TCF12: variants seen among roughly 807,000 people sequenced by gnomAD.
TCF12 encodes the protein DNA-binding protein HTF4.
TCF12 carries 45 observed loss-of-function variants against 86.0 expected under a neutral mutation model. The observed-to-expected ratio is 0.52, with a 90% CI of 0.41 to 0.67. TCF12 has a LOEUF of 0.67. Among genes scored for constraint, TCF12 ranks in the 30% least tolerant of loss-of-function variants. The pLI, the probability that TCF12 is intolerant of heterozygous loss-of-function variation, is 0.00. For synonymous variants in TCF12, 330 were observed against 299.6 expected (o/e 1.10, Z -1.05); for missense variants, 881 against 859.9 (o/e 1.02, Z -0.31).
intron 6 of TCF12, among the ~76,000 whole-genome samples, chr15:57,171,386 G>T (rs1427862787): frequency 6.6e-6 from 1 of 151,346 alleles, no homozygotes; most frequent in Non-Finnish European, 1.5e-5. Flanking sequence ...TCAGAGGAGG[G>T]ACAAAAAATA....
chr15:57,226,669 C>T (rs1317471286), intron 8 of TCF12, among the ~76,000 whole-genome samples: 3 of 152,080 alleles, frequency 2.0e-5, no homozygotes, highest in Non-Finnish European at 4.4e-5. Context: ...TGAAGGTGTT[C>T]TCAAAATGTT....
chr15:57,151,122 G>T (rs1185827085), intron 5 of TCF12, among the ~76,000 whole-genome samples: 2 of 150,918 alleles, frequency 1.3e-5, no homozygotes, highest in African/African-American at 2.4e-5. Context: ...GGACTGCAAG[G>T]ATGCACCATG....
intron 19 of TCF12, among the ~76,000 whole-genome samples, chr15:57,276,255 CTT>C (rs1425211446): frequency 6.6e-6 from 1 of 152,224 alleles, no homozygotes; most frequent in East Asian, 1.9e-4. Context: ...TCACCTGAAG[CTT>C]TTCTTTCCTC....
At chr15:57,000,604 A>G (rs966942742) in intron 3 of TCF12, among the ~76,000 whole-genome samples, 40 of 152,218 alleles carry the variant, frequency 2.6e-4, no homozygotes, top group African/African-American at 9.6e-4. Context: ...TAAATCCAGT[A>G]TAAGCAAAAG....
At chr15:57,170,141 A>G (rs929313628) in intron 6 of TCF12, among the ~76,000 whole-genome samples, 4 of 152,204 alleles carry the variant, frequency 2.6e-5, no homozygotes, top group African/African-American at 9.7e-5. Context: ...AGCAAGTGGT[A>G]AACTTAAACT....
At chr15:57,155,827 A>C (rs754040243) in intron 5 of TCF12, among the ~76,000 whole-genome samples, 1 of 152,142 alleles carries the variant, frequency 6.6e-6, no homozygotes, top group Non-Finnish European at 1.5e-5. Context: ...TCTTAGTAGA[A>C]CCTAAATGGG....
intron 8 of TCF12, among the ~76,000 whole-genome samples, chr15:57,230,554 G>A (rs1409904572): frequency 1.3e-5 from 2 of 152,042 alleles, no homozygotes; most frequent in African/African-American, 4.8e-5. Context: ...AATTAAATGA[G>A]ATTTTTCTTA....
intron 6 of TCF12, among the ~76,000 whole-genome samples, chr15:57,183,611 A>G (rs1399810592): frequency 6.6e-6 from 1 of 152,202 alleles, no homozygotes; most frequent in Non-Finnish European, 1.5e-5. Flanking sequence ...TATGCCCAGG[A>G]AACAGAATAA....
At chr15:57,037,274 C>A (rs542704717) in intron 3 of TCF12, among the ~76,000 whole-genome samples, 2 of 152,096 alleles carry the variant, frequency 1.3e-5, no homozygotes, top group Admixed American at 1.3e-4. Flanking sequence ...CATGGTGAAA[C>A]CCCATCTTTA....
In TCF12 at chr15:57,027,959, T is replaced by A. The variant is rs117432332; in HGVS notation, c.149-35791T>A. Among the ~76,000 whole-genome samples the A allele has an allele frequency of 3.7e-4, 57 of 152,196 alleles. 1 individual carries two copies. The East Asian group carries it at 0.011, about 29-fold the overall frequency. The stretch of plus-strand genomic sequence containing the variant: ...TGTGGAACTGTGAGTCCATTAAACC[T>A]ATGTTTCTTTTTTTTTTCTTTTGAG... On this transcript the variant is annotated intron_variant, in intron 3 of 20. Coordinates refer to ENST00000333725, the MANE Select transcript of TCF12 (RefSeq NM_207037.2).
chr15:57,071,936 TTG>T (rs531510367), intron 4 of TCF12, among the ~76,000 whole-genome samples: 15 of 152,342 alleles, frequency 9.8e-5, no homozygotes, highest in African/African-American at 3.6e-4. Flanking sequence ...TCAGCTTACT[TTG>T]TGGGAAAATA....
intron 18 of TCF12, among the ~76,000 whole-genome samples, chr15:57,263,678 TG>T (rs1164193730): frequency 6.6e-6 from 1 of 152,184 alleles, no homozygotes; most frequent in African/African-American, 2.4e-5. Flanking sequence ...TTCTAAGAAA[TG>T]CATTGCTAGG....
chr15:57,184,706 G>T (rs564708498), intron 6 of TCF12, among the ~76,000 whole-genome samples: 41 of 152,184 alleles, frequency 2.7e-4, no homozygotes, highest in Non-Finnish European at 4.9e-4. Flanking sequence ...GCCATATTCT[G>T]ATCTTGCCAT....
At chr15:56,945,750 T>C (rs1173945754) in intron 3 of TCF12, among the ~76,000 whole-genome samples, 4 of 152,202 alleles carry the variant, frequency 2.6e-5, no homozygotes, top group African/African-American at 9.6e-5. Context: ...ATTGCCATTG[T>C]AATGGTGTTA....
At chr15:57,258,809 A>G (rs2060462297) in intron 16 of TCF12, among the ~76,000 whole-genome samples, 1 of 152,174 alleles carries the variant, frequency 6.6e-6, no homozygotes, top group Non-Finnish European at 1.5e-5. Context: ...GCAATTAGAG[A>G]AACTATATTT....
chr15:57,247,653 TACC>T, intron 13 of TCF12: 1 of 772,916 alleles, frequency 1.3e-6, no homozygotes, highest in Non-Finnish European at 2.3e-6. Flanking sequence ...TCTTCTTTAA[TACC>T]ACCAACAAAA....
rs1440992639 is a variant in TCF12, at chr15:57,253,332, G to T, written c.1331G>T (p.Gly444Val). The T allele has an allele frequency of 6.2e-7, 1 of 1,614,002 alleles. No homozygotes were observed. Among genetic ancestry groups the T allele is most frequent in the East Asian group, 2.2e-5 (1 of 44,860 alleles). The change falls in exon 16 of 21, where the codon GGA (glycine) becomes GTA (valine). Residue 444 changes from glycine to valine, a missense_variant. Gly to Val is a moderately radical substitution (Grantham distance 109). Around this residue, in one of 3 missense-constraint regions of TCF12, gnomAD observed 766 missense variants for 718.9 expected, o/e 1.07. Coordinates refer to ENST00000333725, the MANE Select transcript of TCF12 (RefSeq NM_207037.2). The part of the protein sequence containing the change: ...AIHVLRNHAV[G>V]PSTSLPAGHS... ...CATGTGCTGCGGAACCATGCTGTGG[G>T]ACCTTCCACCAGTTTGCCTGCTGGT...
intron 3 of TCF12, among the ~76,000 whole-genome samples, chr15:56,989,403 C>G (rs2063338989): frequency 6.6e-6 from 1 of 152,210 alleles, no homozygotes; most frequent in Non-Finnish European, 1.5e-5. Context: ...CAGATTCTGT[C>G]TGCAGCATTC....
chr15:57,164,912 C>G (rs912148152), intron 5 of TCF12, among the ~76,000 whole-genome samples: 78 of 152,154 alleles, frequency 5.1e-4, no homozygotes, highest in African/African-American at 1.7e-3. Flanking sequence ...AACTCCTGAC[C>G]TCAGGTTATC....
Sources: allele counts gnomAD v4.1 joint callset (sites outside exome capture counted in the v4.1 genomes callset), GRCh38; gene constraint gnomAD v4.1.1; regional missense constraint gnomAD v4.1.1; transcripts MANE v1.5; gene names NCBI Gene and HGNC (gene_info 2026-07-23, HGNC 2026-07-21).